Variants in HPSE2 observed in about 807,000 individuals in gnomAD.
HPSE2 encodes the protein heparanase 2 (inactive).
Under a neutral mutation model 60.5 loss-of-function variants are expected in HPSE2, and 38 were observed. The observed-to-expected ratio is 0.63, with a 90% confidence interval of 0.48 to 0.82. The LOEUF (loss-of-function observed/expected upper bound fraction) is 0.82. Among genes scored for constraint, HPSE2 ranks in the 40% least tolerant of loss-of-function variants. The probability of loss-of-function intolerance (pLI) is 0.00; values close to 1 mark genes in which losing one functional copy is unlikely to be tolerated. For missense variants in HPSE2, 713 were observed against 740.4 expected (o/e 0.96, Z 0.43); for synonymous variants, 295 against 293.2 (o/e 1.01, Z -0.06).
chr10:98,987,148 C>T (rs1398364020), intron 3 of HPSE2, among the ~76,000 whole-genome samples: 1 of 152,020 alleles, frequency 6.6e-6, no homozygotes, highest in Non-Finnish European at 1.5e-5. Context: ...TTTTATGAGG[C>T]CAGCATCATC....
intron 3 of HPSE2, among the ~76,000 whole-genome samples, chr10:98,987,566 C>A (rs1157272566): frequency 2.6e-5 from 4 of 152,172 alleles, no homozygotes; most frequent in Non-Finnish European, 5.9e-5. Flanking sequence ...TGGAAGCACT[C>A]CCTTTGAAAA....
chr10:98,537,153 G>C (rs1433522566), intron 9 of HPSE2, among the ~76,000 whole-genome samples: 1 of 152,234 alleles, frequency 6.6e-6, no homozygotes, highest in Non-Finnish European at 1.5e-5. Context: ...TTGTGTGACA[G>C]TGATGCCATT....
At chr10:98,825,916 C>T (rs1951536722) in intron 3 of HPSE2, among the ~76,000 whole-genome samples, 1 of 152,146 alleles carries the variant, frequency 6.6e-6, no homozygotes, top group South Asian at 2.1e-4. Flanking sequence ...ATGGACAGCA[C>T]CTGGATTCTT....
At chr10:99,211,600 G>A (rs1489305937) in intron 2 of HPSE2, among the ~76,000 whole-genome samples, 1 of 152,032 alleles carries the variant, frequency 6.6e-6, no homozygotes, top group Non-Finnish European at 1.5e-5. Flanking sequence ...GCCAAGAACA[G>A]GCAATAGGGA....
intron 10 of HPSE2, among the ~76,000 whole-genome samples, chr10:98,488,041 TTTTC>T (rs2133669703): frequency 6.6e-6 from 1 of 152,334 alleles, no homozygotes; most frequent in East Asian, 1.9e-4. Flanking sequence ...TATGAAAGTC[TTTTC>T]TTTCTGTCTT....
At chr10:99,277,899 A>T in the HPSE2 span, among the ~76,000 whole-genome samples, 1 of 152,086 alleles carries the variant, frequency 6.6e-6, no homozygotes, top group South Asian at 2.1e-4. Flanking sequence ...GGAGTTCAAG[A>T]CCAGCCTGGA....
chr10:99,193,527 T>C (rs1026323250), intron 2 of HPSE2, among the ~76,000 whole-genome samples: 7 of 148,860 alleles, frequency 4.7e-5, no homozygotes, highest in South Asian at 2.1e-4. Flanking sequence ...AGTGATCGGC[T>C]GCCTACAAAA....
Position 99,234,209 on chromosome 10 carries a change from G to A in HPSE2, c.290+1304C>T, listed in dbSNP as rs146928126. On this transcript the variant is annotated intron_variant, in intron 1 of 11. Coordinates refer to ENST00000370552, the MANE Select transcript of HPSE2 (RefSeq NM_021828.5). ...CAACCGCACCAACAGGAACCGAAAC[G>A]GCCTCGGCAAGGGCAGCTACAGCCT... Among the ~76,000 whole-genome samples, 30 of 152,262 alleles carry A rather than the reference G, an allele frequency of 2.0e-4. No individual in the cohort carries two copies. In the East Asian group the frequency reaches 3.1e-3, roughly 16 times the overall value.
chr10:98,731,722 G>A (rs1949232615), intron 4 of HPSE2, among the ~76,000 whole-genome samples: 1 of 152,150 alleles, frequency 6.6e-6, no homozygotes, highest in Non-Finnish European at 1.5e-5. Context: ...AGAAGACAAG[G>A]ATGTCTGCTC....
intron 3 of HPSE2, among the ~76,000 whole-genome samples, chr10:98,960,186 T>G (rs1955615992): frequency 6.6e-6 from 1 of 152,152 alleles, no homozygotes. Flanking sequence ...TCATTGCTTT[T>G]TCTGAATTTC....
Position 99,135,936 on chromosome 10 carries a change from T to C in HPSE2, c.610+8302A>G, listed in dbSNP as rs375367768. Reference sequence around the variant, plus strand: ...GAGACATGAAAAACCCTTCAAAAAATCAATGAATCCAGGAGCTGTTTTTTG... The same window carrying C: ...GAGACATGAAAAACCCTTCAAAAAACCAATGAATCCAGGAGCTGTTTTTTG... On this transcript the variant is annotated intron_variant, in intron 3 of 11. Transcript: ENST00000370552. Among the ~76,000 whole-genome samples the C allele has an allele frequency of 2.6e-5, 4 of 151,886 alleles. No individual in the cohort carries two copies. In the East Asian group the frequency reaches 5.8e-4, roughly 22 times the overall value.
At chr10:98,488,941 GAA>G (rs1257538643) in intron 10 of HPSE2, among the ~76,000 whole-genome samples, 1 of 152,162 alleles carries the variant, frequency 6.6e-6, no homozygotes, top group Non-Finnish European at 1.5e-5. Flanking sequence ...GTGATTCTTT[GAA>G]AAGTCTTATC....
chr10:99,153,779 A>C (rs1349405813), intron 2 of HPSE2, among the ~76,000 whole-genome samples: 1 of 152,246 alleles, frequency 6.6e-6, no homozygotes, highest in African/African-American at 2.4e-5. Flanking sequence ...TGAGAGAAGA[A>C]GGCTTCAGAC....
chr10:98,943,346 T>C (rs1327607048), intron 3 of HPSE2, among the ~76,000 whole-genome samples: 2 of 152,048 alleles, frequency 1.3e-5, no homozygotes, highest in East Asian at 3.8e-4. Flanking sequence ...GAGTATCTTT[T>C]AATATTATTT....
intron 3 of HPSE2, among the ~76,000 whole-genome samples, chr10:99,053,900 T>A (rs558756282): frequency 9.9e-5 from 15 of 151,436 alleles, no homozygotes; most frequent in Non-Finnish European, 2.1e-4. Context: ...GATAATTTTT[T>A]TTTTTTTTGT....
At chr10:98,853,978 G>T (rs1460686112) in intron 3 of HPSE2, among the ~76,000 whole-genome samples, 7 of 152,082 alleles carry the variant, frequency 4.6e-5, no homozygotes, top group African/African-American at 1.7e-4. Flanking sequence ...CTGATCAGAA[G>T]TACCAAGAAA....
intron 3 of HPSE2, among the ~76,000 whole-genome samples, chr10:98,758,398 C>T (rs1949929358): frequency 6.6e-6 from 1 of 151,048 alleles, no homozygotes; most frequent in South Asian, 2.1e-4. Flanking sequence ...AACAGACAAC[C>T]TACAGAATGG....
At chr10:98,953,579 G>T (rs773867795) in intron 3 of HPSE2, among the ~76,000 whole-genome samples, 1 of 152,102 alleles carries the variant, frequency 6.6e-6, no homozygotes, top group African/African-American at 2.4e-5. Context: ...ACTAGGTTCA[G>T]AGTACACGCT....
In HPSE2 at chr10:98,933,862, G is replaced by A. The variant is rs184069757; in HGVS notation, c.611-189806C>T. On this transcript the variant is annotated intron_variant, in intron 3 of 11. Coordinates refer to ENST00000370552, the MANE Select transcript of HPSE2 (RefSeq NM_021828.5). ...TTCTCCTGCCTCAGCCTCCCGAGTA[G>A]CTGGGACTACAGGCGCCCACCACCA... Among the ~76,000 whole-genome samples, 1,192 of 140,952 alleles carry A rather than the reference G, an allele frequency of 8.5e-3. 245 individuals carry two copies. The highest frequency in any genetic ancestry group is 0.034 in the African/African-American group (1,147 of 33,724). 92.5% of individuals were successfully genotyped at this position (140,952 alleles called of 152,430 possible).
Sources: allele counts gnomAD v4.1 joint callset (sites outside exome capture counted in the v4.1 genomes callset), GRCh38; gene constraint gnomAD v4.1.1; transcripts MANE v1.5; gene names NCBI Gene and HGNC (gene_info 2026-07-23, HGNC 2026-07-21).